The following MUC5B variants were observed in gnomAD, a reference collection of about 807,000 sequenced individuals.
The protein encoded by MUC5B is mucin 5B, oligomeric mucus/gel-forming.
A neutral mutation model predicts 376.9 loss-of-function variants in MUC5B; 116 were observed. The observed-to-expected ratio is 0.31, with a 90% CI of 0.26 to 0.36. The LOEUF is 0.36. MUC5B is among the 10% of genes least tolerant of loss of function. The probability of loss-of-function intolerance (pLI) is 1.00; values close to 1 mark genes in which losing one functional copy is unlikely to be tolerated. For missense variants in MUC5B, 7,165 were observed against 7,769.9 expected, an observed-to-expected ratio of 0.92 and a Z score of 2.93; for synonymous variants, 3,517 against 3,390.9, an observed-to-expected ratio of 1.04 and a Z score of -1.29.
chr11:1,260,315 C>A, intron 46 of MUC5B, 36 bp from the exon 47 acceptor site: 1 of 1,607,210 alleles, frequency 6.2e-7, no homozygotes, highest in South Asian at 1.1e-5. Flanking sequence ...GGAGGCCCCG[C>A]CCACAGCCCT....
rs781080684 is a variant in MUC5B at position 1,247,538 on chromosome 11, T to C, written c.10658T>C (p.Leu3553Pro). The C allele has an allele frequency of 6.2e-7, 1 of 1,610,658 alleles. No individual in the cohort carries two copies. Among genetic ancestry groups the C allele is most frequent in the African/African-American group, 1.3e-5 (1 of 74,664 alleles). ...ATPSKTRTST[L>P]LPSSPTSAPI... is the part of the protein sequence containing the mutation. ...CCCAGCAAGACCCGCACCTCGACCCTGCTGCCCAGCAGCCCCACATCGGCC... is the reference window on the plus strand; with the variant it reads ...CCCAGCAAGACCCGCACCTCGACCCCGCTGCCCAGCAGCCCCACATCGGCC... The change falls in exon 31 of 49, where the codon CTG (leucine) becomes CCG (proline). Residue 3553 changes from leucine (L) to proline (P), a missense_variant. By Grantham distance (98) the Leu-to-Pro change is moderately conservative (BLOSUM62 -3). Around this residue, in one of 31 missense-constraint regions of MUC5B, gnomAD observed 939 missense variants for 770.6 expected, o/e 1.22. Coordinates refer to ENST00000529681, the MANE Select transcript of MUC5B (RefSeq NM_002458.3).
Position 1,251,589 on chromosome 11 carries a change from C to T in MUC5B, c.14709C>T (p.Thr4903=). The change falls in exon 31 of 49, where the codon ACC becomes ACT. Residue 4903 remains threonine, a synonymous_variant. Coordinates refer to ENST00000529681, the MANE Select transcript of MUC5B (RefSeq NM_002458.3). ...CCAGCTCGTCCACCGTGGGGACCAC[C>T]CGCACCCCTGCAGTGCTCCCCAGCA... ...TVPSSSTVGT[T]RTPAVLPSSL... 6.2e-7 allele frequency: 1 copy of T among 1,612,820 alleles called. No homozygotes were observed. The highest frequency in any genetic ancestry group is 1.1e-5 in the South Asian group (1 of 91,060).
rs1862528077 is a variant in MUC5B, at chr11:1,247,545, C to T, written c.10665C>T (p.Pro3555=). 1.9e-6 allele frequency: 3 copies of T among 1,611,036 alleles called. No individual in the cohort carries two copies. Among genetic ancestry groups the T allele is most frequent in the East Asian group, 2.2e-5 (1 of 44,880 alleles). The change falls in exon 31 of 49, where the codon CCC becomes CCT. Residue 3555 remains proline, a synonymous_variant. Coordinates refer to ENST00000529681, the MANE Select transcript of MUC5B (RefSeq NM_002458.3). ...PSKTRTSTLL[P]SSPTSAPITT... is the part of the protein sequence containing the mutation. ...AGACCCGCACCTCGACCCTGCTGCC[C>T]AGCAGCCCCACATCGGCCCCCATAA...
In MUC5B at chr11:1,235,370, C is replaced by A. The variant is rs758116142; in HGVS notation, c.2837C>A (p.Thr946Asn). Residue 946 changes from threonine to asparagine, a missense_variant, in exon 23 of 49, where the codon ACC (threonine) becomes AAC (asparagine). Physicochemically the swap from Thr to Asn is moderately conservative, Grantham distance 65. This residue lies in a region of MUC5B where 530 missense variants were observed against 604.0 expected (regional missense o/e 0.88). Transcript: ENST00000529681. ...RIVTENIPCG[T>N]TGTTCSKAIK... ...GTCACCGAGAACATCCCCTGTGGGA[C>A]CACCGGCACCACCTGCTCCAAGGCC... The A allele has an allele frequency of 1.7e-5, 28 of 1,612,602 alleles. No homozygotes were observed. The highest frequency in any genetic ancestry group is 3.3e-4 in the Middle Eastern group (2 of 6,080).
rs530167412 is a variant in MUC5B at position 1,229,221 on chromosome 11, C to G, written c.1028C>G (p.Thr343Arg). 1.9e-5 allele frequency: 31 copies of G among 1,599,910 alleles called. No homozygotes were observed. Among genetic ancestry groups the G allele is most frequent in the Non-Finnish European group, 2.6e-5 (30 of 1,176,430 alleles). ...MQHQECGSPC[T>R]DTCSNPQRAQ... ...CACCAGGAGTGTGGCTCACCCTGCA[C>G]GGACACCTGCTCCAACCCCCAGCGC... Residue 343 changes from threonine to arginine, a missense_variant, in exon 9 of 49, where the codon ACG becomes AGG. This residue lies in a region of MUC5B where 640 missense variants were observed against 733.0 expected (regional missense o/e 0.87). Transcript: ENST00000529681.
chr11:1,226,252 G>A lies in MUC5B; in HGVS notation c.175G>A (p.Val59Ile), dbSNP rs746333758. The A allele has an allele frequency of 1.3e-5, 20 of 1,556,972 alleles. No homozygotes were observed. Among genetic ancestry groups the A allele is most frequent in the South Asian group, 3.6e-5 (3 of 84,344 alleles). Residue 59 changes from valine (V) to isoleucine (I), a missense_variant, in exon 3 of 49, where the codon GTC becomes ATC. Coordinates refer to ENST00000529681, the MANE Select transcript of MUC5B (RefSeq NM_002458.3). ...PTRRVSFVPP[V>I]TVFPSLSPLN... The stretch of plus-strand genomic sequence containing the variant: ...CCGGCGCGTGAGCTTTGTTCCACCC[G>A]TCACTGTCTTCCCCAGCCTGAGCCG...
rs200106435 is a variant in MUC5B at position 1,251,578 on chromosome 11, G to A, written c.14698G>A (p.Val4900Met). ...CTCCACGGTTCCCAGCTCGTCCACC[G>A]TGGGGACCACCCGCACCCCTGCAGT... ...TASTVPSSSTVGTTRTPAVLP... is the reference protein window; with the variant it reads ...TASTVPSSSTMGTTRTPAVLP... The change falls in exon 31 of 49, where the codon GTG becomes ATG. Residue 4900 changes from valine (V) to methionine (M), a missense_variant. By Grantham distance (21) the Val-to-Met change is conservative (BLOSUM62 1). Transcript: ENST00000529681. 66 of 1,612,334 alleles carry A rather than the reference G, an allele frequency of 4.1e-5. No individual in the cohort carries two copies. Among genetic ancestry groups the A allele is most frequent in the Admixed American group, 1.8e-4 (11 of 59,974 alleles).
rs374181597 is a variant in MUC5B, at chr11:1,247,643, C to T, written c.10763C>T (p.Pro3588Leu). ...SEWLDYSYPM[P>L]GPSGGDFDTY... ...TGGCTGGACTACAGCTACCCCATGCCGGGGCCCTCTGGCGGGGACTTTGAC... is the reference window on the plus strand; with the variant it reads ...TGGCTGGACTACAGCTACCCCATGCTGGGGCCCTCTGGCGGGGACTTTGAC... The change falls in exon 31 of 49, where the codon CCG (proline) becomes CTG (leucine). Residue 3588 changes from proline (P) to leucine (L), a missense_variant. Pro to Leu is a moderately conservative substitution (Grantham distance 98, BLOSUM62 -3). Around this residue, in one of 31 missense-constraint regions of MUC5B, gnomAD observed 81 missense variants for 154.5 expected, o/e 0.52. Transcript: ENST00000529681. 1.4e-4 allele frequency: 223 copies of T among 1,607,582 alleles called. No homozygotes were observed. Among genetic ancestry groups the T allele is most frequent in the South Asian group, 2.2e-4 (20 of 90,820 alleles).
At chr11:1,224,470 G>C (rs184579431) in intron 1 of MUC5B, among the ~76,000 whole-genome samples, 53 of 150,152 alleles carry the variant, frequency 3.5e-4, no homozygotes, top group African/African-American at 1.0e-3. Flanking sequence ...GGCTGCCTGG[G>C]GGGGAGGGGT....
Position 1,249,123 on chromosome 11 carries a change from C to G in MUC5B, c.12243C>G (p.Ser4081=). 6.3e-7 allele frequency: 1 copy of G among 1,584,448 alleles called. No homozygotes were observed. The change falls in exon 31 of 49, where the codon TCC becomes TCG. Residue 4081 remains serine, a synonymous_variant. Coordinates refer to ENST00000529681, the MANE Select transcript of MUC5B (RefSeq NM_002458.3). ...PSSRTTESPP[S]PGTTTPGHTT... ...GCAGGACCACCGAGTCACCCCCTTC[C>G]CCAGGGACGACCACCCCGGGCCACA...
Position 1,250,754 on chromosome 11 carries a change from C to T in MUC5B, c.13874C>T (p.Pro4625Leu), listed in dbSNP as rs1329003004. 1 of 1,589,218 alleles carries T rather than the reference C, an allele frequency of 6.3e-7. No homozygotes were observed. The highest frequency in any genetic ancestry group is 8.6e-7 in the Non-Finnish European group (1 of 1,162,580). The part of the protein sequence containing the change: ...PPVWISTTTT[P>L]TTTTPTTSGS... ...GTGTGGATCAGCACAACCACCACACCCACAACCACCACACCCACAACCAGT... is the reference window on the plus strand; with the variant it reads ...GTGTGGATCAGCACAACCACCACACTCACAACCACCACACCCACAACCAGT... Residue 4625 changes from proline to leucine, a missense_variant, in exon 31 of 49, where the codon CCC (proline) becomes CTC (leucine). Pro to Leu is a moderately conservative substitution (Grantham distance 98). Around this residue, in one of 31 missense-constraint regions of MUC5B, gnomAD observed 730 missense variants for 592.7 expected, o/e 1.23. Transcript: ENST00000529681.
intron 7 of MUC5B, among the ~76,000 whole-genome samples, chr11:1,228,267 C>G (rs982093467): frequency 6.6e-6 from 1 of 152,204 alleles, no homozygotes; most frequent in Non-Finnish European, 1.5e-5. Context: ...CCCAGAGAGG[C>G]GGGGCCTCCA....
chr11:1,261,249 C>T (rs779449721), intron 48 of MUC5B, 140 bp from the exon 49 acceptor site: 73 of 701,948 alleles, frequency 1.0e-4, no homozygotes, highest in African/African-American at 1.8e-4. Flanking sequence ...TGAAGCCTCA[C>T]GTGCCCACAG....
rs776845996 is a variant in MUC5B, at chr11:1,246,607, T to C, written c.9727T>C (p.Ser3243Pro). 6.2e-7 allele frequency: 1 copy of C among 1,608,988 alleles called. No individual in the cohort carries two copies. Among genetic ancestry groups the C allele is most frequent in the East Asian group, 2.2e-5 (1 of 44,712 alleles). The change falls in exon 31 of 49, where the codon TCC becomes CCC. Residue 3243 changes from serine (S) to proline (P), a missense_variant. This residue lies in a region of MUC5B where 939 missense variants were observed against 770.6 expected (regional missense o/e 1.22). Coordinates refer to ENST00000529681, the MANE Select transcript of MUC5B (RefSeq NM_002458.3). ...TACCAGCGTTACAGCCATCCCCTCT[T>C]CCTCCCTGGGCACCGCCTGGACCCG... ...TATSVTAIPSSSLGTAWTRLS... is the reference protein window; with the variant it reads ...TATSVTAIPSPSLGTAWTRLS...
chr11:1,232,251 G>A, intron 15 of MUC5B, 91 bp downstream of exon 15: 1 of 1,445,148 alleles, frequency 6.9e-7, no homozygotes, highest in Non-Finnish European at 9.3e-7. Context: ...CCCTGGGTGG[G>A]ATTGGGGACC....
At chr11:1,252,670 G>A in intron 32 of MUC5B, 139 bp from the exon 33 acceptor site, 2 of 1,388,064 alleles carry the variant, frequency 1.4e-6, no homozygotes, top group Non-Finnish European at 1.9e-6. Context: ...AGGGCCTAGG[G>A]GCCAGGCTAG....
At position 1,242,004 on chromosome 11, in the gene MUC5B, A is replaced by G. The variant is rs56117556; in HGVS notation, c.5124A>G (p.Thr1708=). ...ALPGTTGSLG[T]WRPSQPPTLA... ...CAGGGACGACGGGGAGCTTGGGCAC[A>G]TGGCGCCCCTCACAGCCACCCACGC... Residue 1708 remains threonine (T), a synonymous_variant, in exon 31 of 49, where the codon ACA becomes ACG. Transcript: ENST00000529681. 57,437 of 1,587,792 alleles carry G rather than the reference A, an allele frequency of 0.036. 1,283 individuals are homozygous for G. The highest frequency in any genetic ancestry group is 0.08 in the Middle Eastern group (480 of 6,026).
Position 1,250,297 on chromosome 11 carries a change from C to A in MUC5B, c.13417C>A (p.Gln4473Lys). 2.5e-6 allele frequency: 4 copies of A among 1,613,148 alleles called. No individual in the cohort carries two copies. The South Asian group carries it at 4.4e-5, about 18-fold the overall frequency. Reference protein sequence around the residue: ...TGSTATASSTQATAGTPHVST... With the variant: ...TGSTATASSTKATAGTPHVST... ...ATCCACGGCCACCGCCTCCTCCACC[C>A]AGGCAACTGCTGGCACCCCACATGT... is the stretch of plus-strand genomic sequence containing the variant. Residue 4473 changes from glutamine to lysine, a missense_variant, in exon 31 of 49, where the codon CAG becomes AAG. Coordinates refer to ENST00000529681, the MANE Select transcript of MUC5B (RefSeq NM_002458.3).
In MUC5B at chr11:1,256,099, G is replaced by T. The variant is rs117779092; in HGVS notation, c.16067-57G>T. On this transcript the variant is annotated intron_variant, in intron 37 of 48. Coordinates refer to ENST00000529681, the MANE Select transcript of MUC5B (RefSeq NM_002458.3). ...CTGAGTGTCCTGTGCGGTGATTGGG[G>T]GCGGCCCTGGGCCCCCCCAACCCCT... 1,219 of 668,384 alleles carry T rather than the reference G, an allele frequency of 1.8e-3. 19 individuals are homozygous for T. The highest frequency in any genetic ancestry group is 2.0e-3 in the Non-Finnish European group (727 of 356,650). 41.4% of individuals were successfully genotyped at this position (668,384 alleles called of 1,614,324 possible).
Sources: allele counts gnomAD v4.1 joint callset (sites outside exome capture counted in the v4.1 genomes callset), GRCh38; gene constraint gnomAD v4.1.1; regional missense constraint gnomAD v4.1.1; transcripts MANE v1.5; gene names NCBI Gene and HGNC (gene_info 2026-07-23, HGNC 2026-07-21).